Variants in MAN2B2 observed in about 807,000 individuals in gnomAD.
MAN2B2 encodes mannosidase alpha class 2B member 2.
A neutral mutation model predicts 117.1 loss-of-function variants in MAN2B2; 106 were observed. The observed-to-expected ratio is 0.90, with a 90% CI of 0.77 to 1.06. The LOEUF (loss-of-function observed/expected upper bound fraction) is 1.06, where lower values mean the gene tolerates loss of function less well. Ranked by LOEUF, MAN2B2 falls within the 50% of genes least tolerant of loss-of-function variation. MAN2B2 has a pLI of 0.00. For synonymous variants in MAN2B2, 544 were observed against 595.1 expected (o/e 0.91, Z 1.25); for missense variants, 1,326 against 1,381.4 (o/e 0.96, Z 0.64).
intron 3 of MAN2B2, among the ~76,000 whole-genome samples, chr4:6,583,845 G>T (rs1435139684): frequency 6.6e-6 from 1 of 152,204 alleles, no homozygotes; most frequent in Admixed American, 6.5e-5. Flanking sequence ...CTTAGGCTGG[G>T]CTACCCGCAC....
chr4:6,596,516 C>A (rs980755980), intron 7 of MAN2B2, among the ~76,000 whole-genome samples: 2 of 152,266 alleles, frequency 1.3e-5, no homozygotes, highest in East Asian at 3.9e-4. Flanking sequence ...GTTCAGCCCT[C>A]CTGCCTCCTG....
intron 10 of MAN2B2, among the ~76,000 whole-genome samples, chr4:6,602,999 C>A (rs1358155453): frequency 6.6e-6 from 1 of 152,142 alleles, no homozygotes; most frequent in Non-Finnish European, 1.5e-5. Flanking sequence ...GTTTGCTGGG[C>A]CCCCTTGTAT....
chr4:6,617,456 C>A lies in MAN2B2; in HGVS notation c.2778C>A (p.Asp926Glu). The A allele has an allele frequency of 6.2e-7, 1 of 1,613,990 alleles. No homozygotes were observed. The highest frequency in any genetic ancestry group is 8.5e-7 in the Non-Finnish European group (1 of 1,179,890). ...RLYHLYEVGE[D>E]PVLSQPVTVN... The stretch of plus-strand genomic sequence containing the variant: ...ACCACCTATATGAAGTGGGCGAGGA[C>A]CCAGTCCTGTCTCAGCCAGTGACAG... Residue 926 changes from aspartate to glutamate, a missense_variant, in exon 17 of 19, where the codon GAC becomes GAA. Coordinates refer to ENST00000285599, the MANE Select transcript of MAN2B2 (RefSeq NM_015274.3).
In MAN2B2 at chr4:6,598,470, G is replaced by A. The variant is rs60266476; in HGVS notation, c.1405+116G>A. The A allele has an allele frequency of 1.8e-3, 2,020 of 1,146,770 alleles. 22 individuals carry two copies. The African/African-American group carries it at 0.027, about 15-fold the overall frequency. 71.0% of individuals were successfully genotyped at this position (1,146,770 alleles called of 1,614,324 possible). A position where few individuals can be genotyped will look rare whatever the true frequency, so the allele number is the denominator to read the frequency against. On this transcript the variant is annotated intron_variant, in intron 9 of 18. Coordinates refer to ENST00000285599, the MANE Select transcript of MAN2B2 (RefSeq NM_015274.3). ...ACTCTGAGTCCACATCACCCATATC[G>A]CCCTTCCCCATGGTGAGAGCTCGGA...
intron 4 of MAN2B2, among the ~76,000 whole-genome samples, chr4:6,587,441 C>T (rs780554331): frequency 2.0e-5 from 3 of 152,126 alleles, no homozygotes; most frequent in Non-Finnish European, 4.4e-5. Flanking sequence ...GGGCCTGAGG[C>T]GGGGCTGACT....
At chr4:6,579,108 C>T (rs1302935361) in intron 3 of MAN2B2, among the ~76,000 whole-genome samples, 1 of 70,942 alleles carries the variant, frequency 1.4e-5, no homozygotes. Flanking sequence ...AGCACCACCA[C>T]CATCACCATC....
chr4:6,578,656 G>C (rs1391523772), intron 3 of MAN2B2, among the ~76,000 whole-genome samples, 158 bp downstream of exon 3: 1 of 152,108 alleles, frequency 6.6e-6, no homozygotes, highest in East Asian at 1.9e-4. Context: ...CCATATTCAT[G>C]CCTCACCAAG....
chr4:6,603,447 G>C (rs1727412731), intron 10 of MAN2B2, among the ~76,000 whole-genome samples: 1 of 152,178 alleles, frequency 6.6e-6, no homozygotes, highest in Admixed American at 6.5e-5. Flanking sequence ...AGCCAGGGGA[G>C]GGGCCCTCGG....
At chr4:6,579,540 T>A (rs906825599) in intron 3 of MAN2B2, among the ~76,000 whole-genome samples, 2 of 144,284 alleles carry the variant, frequency 1.4e-5, no homozygotes, top group Non-Finnish European at 1.5e-5. Flanking sequence ...TCACCACTGC[T>A]ATGACCACCA....
intron 15 of MAN2B2, among the ~76,000 whole-genome samples, chr4:6,612,865 A>G (rs1177921153): frequency 6.6e-6 from 1 of 152,236 alleles, no homozygotes; most frequent in African/African-American, 2.4e-5. Context: ...TGAGGCCCAC[A>G]TAACCAAGGG....
At chr4:6,611,414 C>A (rs1289120711) in intron 15 of MAN2B2, 136 bp downstream of exon 15, 1 of 844,450 alleles carries the variant, frequency 1.2e-6, no homozygotes, top group Admixed American at 3.1e-5. Flanking sequence ...GACCTCTAGC[C>A]CAAGCCCCTC....
chr4:6,609,477 C>T, intron 12 of MAN2B2, 179 bp downstream of exon 12: 1 of 683,226 alleles, frequency 1.5e-6, no homozygotes. Context: ...TTTGCGTGTG[C>T]TGTGTCACGT....
At chr4:6,617,173 T>A (rs571722635) in intron 16 of MAN2B2, among the ~76,000 whole-genome samples, 1 of 152,246 alleles carries the variant, frequency 6.6e-6, no homozygotes, top group South Asian at 2.1e-4. Context: ...CATGATTCAA[T>A]TACCTCCCAC....
At chr4:6,600,264 G>C (rs570951921) in intron 9 of MAN2B2, among the ~76,000 whole-genome samples, 1 of 152,332 alleles carries the variant, frequency 6.6e-6, no homozygotes, top group Non-Finnish European at 1.5e-5. Flanking sequence ...CCAGGCCTTA[G>C]AAGCTGGGTC....
At chr4:6,599,331 C>A (rs755698675) in intron 9 of MAN2B2, among the ~76,000 whole-genome samples, 14 of 152,010 alleles carry the variant, frequency 9.2e-5, no homozygotes, top group Non-Finnish European at 1.8e-4. Context: ...TCTCCTAACT[C>A]CTGGGCTCAA....
intron 15 of MAN2B2, among the ~76,000 whole-genome samples, chr4:6,613,453 T>C (rs1711679368): frequency 6.6e-6 from 1 of 151,990 alleles, no homozygotes; most frequent in African/African-American, 2.4e-5. Flanking sequence ...TGGTGGCCCA[T>C]AGTCCCAGCT....
Position 6,609,121 on chromosome 4 carries a change from C to T in MAN2B2, c.1829C>T (p.Thr610Met), listed in dbSNP as rs184138382. Reference sequence around the variant, plus strand: ...TGCCTCTGCAGACAGAGTAACCGAACGGTGCGCGTGACCCAGGAATTCCTG... The same window carrying T: ...TGCCTCTGCAGACAGAGTAACCGAATGGTGCGCGTGACCCAGGAATTCCTG... ...HSIWERQSNRTVRVTQEFLEY... is the reference protein window; with the variant it reads ...HSIWERQSNRMVRVTQEFLEY... Residue 610 changes from threonine (T) to methionine (M), a missense_variant, in exon 12 of 19, where the codon ACG (threonine) becomes ATG (methionine). Thr to Met is a moderately conservative substitution (Grantham distance 81). Coordinates refer to ENST00000285599, the MANE Select transcript of MAN2B2 (RefSeq NM_015274.3). 2.5e-5 allele frequency: 40 copies of T among 1,613,692 alleles called. No homozygotes were observed. The highest frequency in any genetic ancestry group is 3.3e-5 in the Admixed American group (2 of 59,984).
At position 6,588,906 on chromosome 4, in the gene MAN2B2, G is replaced by A. The variant is rs190702412; in HGVS notation, c.565-139G>A. 9.4e-6 allele frequency: 6 copies of A among 639,090 alleles called. No individual in the cohort carries two copies. In the Admixed American group the frequency reaches 1.6e-4, roughly 17 times the overall value. 39.6% of individuals were successfully genotyped at this position (639,090 alleles called of 1,614,324 possible). ...CCACAACCAGTCTTAGACGGAAACG[G>A]CAGGGGAGAGCTCATCCTTGAACCA... On this transcript the variant is annotated intron_variant, in intron 4 of 18. Coordinates refer to ENST00000285599, the MANE Select transcript of MAN2B2 (RefSeq NM_015274.3).
In MAN2B2 at chr4:6,614,950, G is replaced by A. The variant is rs556426269; in HGVS notation, c.2701+595G>A. Among the ~76,000 whole-genome samples the A allele has an allele frequency of 2.4e-4, 37 of 152,344 alleles. No homozygotes were observed. In the South Asian group the frequency reaches 3.1e-3, roughly 13 times the overall value. The stretch of plus-strand genomic sequence containing the variant: ...ATGATGGGGGGCTCCCCGAGGAGGC[G>A]ACACCTGCTGGGAACTGACTTGTCC... On this transcript the variant is annotated intron_variant, in intron 16 of 18. Transcript: ENST00000285599.
Sources: allele counts gnomAD v4.1 joint callset (sites outside exome capture counted in the v4.1 genomes callset), GRCh38; gene constraint gnomAD v4.1.1; transcripts MANE v1.5; gene names NCBI Gene and HGNC (gene_info 2026-07-23, HGNC 2026-07-21).